Variants in CTNNA2 observed in about 807,000 individuals in gnomAD.
CTNNA2 encodes catenin alpha 2, also known as catenin alpha-2.
In CTNNA2, 42 loss-of-function variants were observed where a neutral mutation model predicts 101.0. The ratio of observed to expected loss-of-function variants is 0.42; its 90% CI spans 0.32 to 0.54. CTNNA2 has a LOEUF of 0.54. CTNNA2 is among the 20% of genes least tolerant of loss of function. The pLI, the probability that CTNNA2 is intolerant of heterozygous loss-of-function variation, is 0.14. For missense variants in CTNNA2, 871 were observed against 1,223.1 expected (o/e 0.71, Z 4.29); for synonymous variants, 450 against 456.4 (o/e 0.99, Z 0.18).
intron 16 of CTNNA2, among the ~76,000 whole-genome samples, chr2:80,606,364 TCAAACA>T (rs1315007086): frequency 9.8e-6 from 1 of 101,876 alleles, no homozygotes; most frequent in Non-Finnish European, 1.9e-5. Flanking sequence ...GAAAAACACA[TCAAACA>T]CACACACACA....
chr2:79,400,330 GA>G (rs1678276646), intron 4 of CTNNA2, among the ~76,000 whole-genome samples: 1 of 151,950 alleles, frequency 6.6e-6, no homozygotes, highest in Admixed American at 6.6e-5. Flanking sequence ...AATAGAATGG[GA>G]GGCAGGTTGT....
At chr2:80,107,363 G>A (rs894886079) in intron 7 of CTNNA2, among the ~76,000 whole-genome samples, 1 of 151,930 alleles carries the variant, frequency 6.6e-6, no homozygotes, top group African/African-American at 2.4e-5. Context: ...TTGATTTCAG[G>A]GGGATGGTTG....
chr2:79,501,448 A>G (rs1671318612), intron 4 of CTNNA2, among the ~76,000 whole-genome samples: 1 of 152,188 alleles, frequency 6.6e-6, no homozygotes, highest in African/African-American at 2.4e-5. Context: ...GTTGCTTTAG[A>G]TAAAAGGCCT....
At chr2:79,707,555 T>G (rs146933601) in intron 2 of CTNNA2, among the ~76,000 whole-genome samples, 6 of 152,344 alleles carry the variant, frequency 3.9e-5, no homozygotes, top group Non-Finnish European at 7.3e-5. Flanking sequence ...AGCCCTTTAT[T>G]ACTACACAGA....
intron 3 of CTNNA2, among the ~76,000 whole-genome samples, chr2:79,797,683 T>C (rs1292819107): frequency 7.7e-6 from 1 of 129,526 alleles, no homozygotes; most frequent in Non-Finnish European, 1.6e-5. Context: ...AAAAAAATGA[T>C]TGGCTTAACA....
chr2:79,837,527 A>G (rs147527755), intron 3 of CTNNA2, among the ~76,000 whole-genome samples: 2 of 152,068 alleles, frequency 1.3e-5, no homozygotes, highest in African/African-American at 4.8e-5. Context: ...ACAGAACCCA[A>G]CCCATTGAAT....
chr2:80,500,895 G>A (rs1230624095), intron 9 of CTNNA2, among the ~76,000 whole-genome samples: 1 of 151,624 alleles, frequency 6.6e-6, no homozygotes. Flanking sequence ...CCTCCAGAAG[G>A]CTCATTTTCT....
chr2:79,703,866 A>T (rs1685171406), intron 2 of CTNNA2, among the ~76,000 whole-genome samples: 1 of 152,170 alleles, frequency 6.6e-6, no homozygotes, highest in Admixed American at 6.5e-5. Flanking sequence ...GAAAGAATAT[A>T]TATGTTTGCC....
intron 1 of CTNNA2, among the ~76,000 whole-genome samples, chr2:79,636,111 A>G (rs1300059380): frequency 4.7e-5 from 7 of 150,056 alleles, no homozygotes; most frequent in Non-Finnish European, 1.0e-4. Flanking sequence ...AATACAAAAA[A>G]AAAAAAAAAT....
chr2:79,670,087 G>T (rs1682724393), intron 2 of CTNNA2, among the ~76,000 whole-genome samples: 1 of 152,192 alleles, frequency 6.6e-6, no homozygotes, highest in African/African-American at 2.4e-5. Context: ...GCCCCCGAGG[G>T]TGCAGGCTGC....
At chr2:79,412,865 A>G (rs1678432732) in intron 4 of CTNNA2, among the ~76,000 whole-genome samples, 1 of 152,136 alleles carries the variant, frequency 6.6e-6, no homozygotes, top group Non-Finnish European at 1.5e-5. Flanking sequence ...TGGCATGAAA[A>G]GGAAATGAGC....
At chr2:80,149,774 T>A (rs1423364192) in intron 7 of CTNNA2, among the ~76,000 whole-genome samples, 3 of 143,392 alleles carry the variant, frequency 2.1e-5, no homozygotes, top group African/African-American at 7.8e-5. Flanking sequence ...TTAGAATGGA[T>A]CACACACACA....
chr2:79,189,153 T>G (rs1319519587), intron 1 of CTNNA2, among the ~76,000 whole-genome samples: 1 of 152,210 alleles, frequency 6.6e-6, no homozygotes, highest in Non-Finnish European at 1.5e-5. Flanking sequence ...AGGAATAAAG[T>G]TAAAAATTAA....
At chr2:79,611,513 T>A (rs930122820) in intron 1 of CTNNA2, among the ~76,000 whole-genome samples, 34 of 152,162 alleles carry the variant, frequency 2.2e-4, no homozygotes, top group African/African-American at 8.2e-4. Flanking sequence ...AAATAACTCT[T>A]CAGTTAAATT....
rs1376035679 is a variant in CTNNA2, at chr2:80,389,408, C to A, written c.1057-3803C>A. ...GCTGATACTAGGAGGCAAGTCTCCG[C>A]TCCTTCCTTCCTCCCTCCTCACTAT... On this transcript the variant is annotated intron_variant, in intron 7 of 18. Transcript: ENST00000402739. Among the ~76,000 whole-genome samples the A allele has an allele frequency of 8.6e-5, 13 of 152,020 alleles. 1 individual carries two copies. The highest frequency in any genetic ancestry group is 8.5e-4 in the Admixed American group (13 of 15,266).
chr2:79,832,195 ATG>A (rs1253768101), intron 3 of CTNNA2, among the ~76,000 whole-genome samples: 1 of 152,182 alleles, frequency 6.6e-6, no homozygotes, highest in Non-Finnish European at 1.5e-5. Flanking sequence ...GCCATGTTCC[ATG>A]TGCTACAAAC....
chr2:79,676,140 T>G (rs1355414), intron 2 of CTNNA2, among the ~76,000 whole-genome samples: 63,061 of 152,074 alleles, frequency 0.41, 13,184 homozygotes, highest in Admixed American at 0.45. Context: ...GCACATGCTA[T>G]AGCCTCCCTC....
Position 79,893,826 on chromosome 2 carries a change from T to C in CTNNA2, c.853-15768T>C, listed in dbSNP as rs182113347. 2.7e-3 allele frequency among the ~76,000 whole-genome samples: 416 copies of C among 152,278 alleles called. 1 individual carries two copies. The highest frequency in any genetic ancestry group is 9.6e-3 in the African/African-American group (398 of 41,572). Reference sequence around the variant, plus strand: ...GTTTTTACATTTATAATTATACAAATAATAGTTTTTTAGACTAACTTTATC... The same window carrying C: ...GTTTTTACATTTATAATTATACAAACAATAGTTTTTTAGACTAACTTTATC... On this transcript the variant is annotated intron_variant, in intron 6 of 18. Transcript: ENST00000402739.
chr2:80,371,597 G>A (rs1404065589), intron 7 of CTNNA2, among the ~76,000 whole-genome samples: 1 of 150,744 alleles, frequency 6.6e-6, no homozygotes, highest in Admixed American at 6.6e-5. Flanking sequence ...ATTTGAATGA[G>A]ATCATCAATA....
Sources: allele counts gnomAD v4.1 joint callset (sites outside exome capture counted in the v4.1 genomes callset), GRCh38; gene constraint gnomAD v4.1.1; transcripts MANE v1.5; gene names NCBI Gene and HGNC (gene_info 2026-07-23, HGNC 2026-07-21).